CDH13: variants seen among roughly 807,000 people sequenced by gnomAD.
CDH13 encodes the protein cadherin-13.
In CDH13, 24 loss-of-function variants were observed where a neutral mutation model predicts 63.8. The observed-to-expected ratio is 0.38, with a 90% CI of 0.27 to 0.53. The LOEUF (loss-of-function observed/expected upper bound fraction) is 0.53, where lower values mean the gene tolerates loss of function less well. Among genes scored for constraint, CDH13 ranks in the 20% least tolerant of loss-of-function variants. The probability of loss-of-function intolerance (pLI) is 0.85; values close to 1 mark genes in which losing one functional copy is unlikely to be tolerated. For synonymous variants in CDH13, 503 were observed against 355.3 expected (o/e 1.42, Z -4.67); for missense variants, 1,049 against 903.1 (o/e 1.16, Z -2.07).
chr16:83,765,553 T>TAC (rs1567581589), intron 11 of CDH13, among the ~76,000 whole-genome samples: 3 of 95,658 alleles, frequency 3.1e-5, no homozygotes, highest in African/African-American at 1.1e-4. Context: ...TATATATATA[T>TAC]ACACACACAC....
chr16:83,609,399 A>G (rs1278248139), intron 8 of CDH13, among the ~76,000 whole-genome samples: 1 of 64,682 alleles, frequency 1.5e-5, no homozygotes, highest in East Asian at 6.6e-4. Flanking sequence ...AATCAATGAC[A>G]CATATTAGCT....
chr16:82,955,993 G>A (rs960739512), intron 2 of CDH13, among the ~76,000 whole-genome samples: 9 of 152,132 alleles, frequency 5.9e-5, no homozygotes, highest in Non-Finnish European at 1.2e-4. Flanking sequence ...TTAACTCTGT[G>A]TACTAGACAC....
intron 2 of CDH13, chr16:82,859,803 G>A (rs2039861003): frequency 6.6e-6 from 1 of 151,746 alleles, no homozygotes; most frequent in Admixed American, 6.6e-5. Flanking sequence ...AGAGTCGAAA[G>A]GAACACAATA....
At chr16:83,576,622 C>A (rs1027123224) in intron 7 of CDH13, among the ~76,000 whole-genome samples, 10 of 152,228 alleles carry the variant, frequency 6.6e-5, no homozygotes, top group Non-Finnish European at 1.2e-4. Context: ...TTCTAACCAA[C>A]AGTACACAAG....
intron 7 of CDH13, among the ~76,000 whole-genome samples, chr16:83,577,985 G>T (rs8051522): frequency 0.99 from 150,345 of 152,360 alleles, 74,207 homozygotes; most frequent in East Asian, 1. Context: ...TCATACAGTT[G>T]CATAACCTGC....
At chr16:82,880,371 T>C (rs950301022) in intron 2 of CDH13, among the ~76,000 whole-genome samples, 1 of 152,184 alleles carries the variant, frequency 6.6e-6, no homozygotes, top group Non-Finnish European at 1.5e-5. Flanking sequence ...CTGGGTTGAT[T>C]GCTTCATATA....
intron 5 of CDH13, among the ~76,000 whole-genome samples, chr16:83,266,443 C>G (rs1362436114): frequency 1.3e-5 from 2 of 152,278 alleles, no homozygotes; most frequent in East Asian, 3.9e-4. Context: ...TTGAATTTAT[C>G]ACTTAATGGC....
intron 8 of CDH13, among the ~76,000 whole-genome samples, chr16:83,606,886 C>A (rs993555492): frequency 6.6e-6 from 1 of 152,078 alleles, no homozygotes; most frequent in Non-Finnish European, 1.5e-5. Context: ...CAGCCAGTAA[C>A]AGGAAGTAAG....
At chr16:83,512,362 AAAT>A (rs1216546015) in intron 7 of CDH13, among the ~76,000 whole-genome samples, 7 of 139,254 alleles carry the variant, frequency 5.0e-5, no homozygotes, top group Admixed American at 7.4e-5. Flanking sequence ...ATAAATAAAT[AAAT>A]AAATAAAATA....
intron 1 of CDH13, among the ~76,000 whole-genome samples, chr16:82,648,053 C>G (rs941121969): frequency 8.5e-5 from 13 of 152,168 alleles, no homozygotes; most frequent in African/African-American, 2.9e-4. Flanking sequence ...TGAGACATGC[C>G]TTTACTCCTC....
At chr16:83,580,029 G>A (rs535240463) in intron 7 of CDH13, among the ~76,000 whole-genome samples, 15 of 152,178 alleles carry the variant, frequency 9.9e-5, no homozygotes, top group African/African-American at 2.4e-4. Context: ...GGCTAACTAC[G>A]GCCAGGAATT....
intron 3 of CDH13, among the ~76,000 whole-genome samples, chr16:83,096,268 T>C (rs1315044630): frequency 1.3e-5 from 2 of 152,218 alleles, no homozygotes; most frequent in East Asian, 1.9e-4. Flanking sequence ...ATGAGCTATA[T>C]AGTATTAGTC....
At chr16:83,378,757 C>T (rs1018132221) in intron 6 of CDH13, among the ~76,000 whole-genome samples, 2 of 152,016 alleles carry the variant, frequency 1.3e-5, no homozygotes, top group East Asian at 3.9e-4. Flanking sequence ...TAGATAATTC[C>T]CAGACTTGTA....
intron 7 of CDH13, among the ~76,000 whole-genome samples, chr16:83,584,777 G>A (rs1712805080): frequency 1.3e-5 from 2 of 152,188 alleles, no homozygotes; most frequent in Admixed American, 1.3e-4. Flanking sequence ...CCATGGTTCT[G>A]CAGGTTGTAC....
intron 1 of CDH13, among the ~76,000 whole-genome samples, chr16:82,656,997 G>C (rs532006269): frequency 8.0e-5 from 12 of 150,102 alleles, no homozygotes; most frequent in African/African-American, 2.9e-4. Flanking sequence ...CCTACTTAAG[G>C]ATATCTTGGT....
chr16:83,430,233 C>T (rs1049762064), intron 6 of CDH13, among the ~76,000 whole-genome samples: 1 of 152,200 alleles, frequency 6.6e-6, no homozygotes, highest in African/African-American at 2.4e-5. Flanking sequence ...TGTTTCCTGA[C>T]ATGCACTCTC....
intron 11 of CDH13, among the ~76,000 whole-genome samples, chr16:83,764,990 A>G (rs985985142): frequency 6.6e-6 from 1 of 152,182 alleles, no homozygotes; most frequent in Admixed American, 6.5e-5. Flanking sequence ...CATCCTCTCT[A>G]CAAGGTATTC....
chr16:83,519,770 C>G (rs1017022988), intron 7 of CDH13, among the ~76,000 whole-genome samples: 1 of 152,038 alleles, frequency 6.6e-6, no homozygotes, highest in African/African-American at 2.4e-5. Flanking sequence ...AGCAGCATGG[C>G]AAAGGTACAA....
chr16:83,159,622 G>A (rs373668486), intron 4 of CDH13, among the ~76,000 whole-genome samples: 3 of 152,246 alleles, frequency 2.0e-5, no homozygotes, highest in East Asian at 1.9e-4. Context: ...AAGAAGAAAC[G>A]ATATTTCCAT....
Sources: gnomAD v4.1 joint callset for allele counts (sites outside exome capture counted in the v4.1 genomes callset) on GRCh38, gnomAD v4.1.1 for gene constraint, MANE v1.5 for transcripts, NCBI Gene and HGNC (gene_info 2026-07-23, HGNC 2026-07-21) for gene names.